EIF4G3: variants seen among roughly 807,000 people sequenced by gnomAD.
EIF4G3 encodes the protein eukaryotic translation initiation factor 4 gamma 3.
EIF4G3 carries 34 observed loss-of-function variants against 186.4 expected under a neutral mutation model. That is an observed-to-expected ratio of 0.18 (90% confidence interval 0.14 to 0.24). EIF4G3 has a LOEUF of 0.24. EIF4G3 is among the 10% of genes least tolerant of loss of function. The pLI is 1.00. For missense variants in EIF4G3, 1,536 were observed against 1,948.5 expected, an observed-to-expected ratio of 0.79 and a Z score of 3.99; for synonymous variants, 673 against 679.5, an observed-to-expected ratio of 0.99 and a Z score of 0.15.
intron 12 of EIF4G3, among the ~76,000 whole-genome samples, chr1:20,960,832 C>A (rs1275893669): frequency 1.3e-5 from 2 of 152,136 alleles, no homozygotes; most frequent in East Asian, 1.9e-4. Context: ...AAAACACAAT[C>A]ATCAAACAAG....
chr1:21,142,766 A>C (rs2102680391), intron 2 of EIF4G3, among the ~76,000 whole-genome samples: 1 of 152,310 alleles, frequency 6.6e-6, no homozygotes, highest in South Asian at 2.1e-4. Context: ...AAGTAAAAGA[A>C]GCTGTATAAA....
At chr1:21,018,746 A>C (rs1025891395) in intron 4 of EIF4G3, among the ~76,000 whole-genome samples, 1 of 152,012 alleles carries the variant, frequency 6.6e-6, no homozygotes, top group Non-Finnish European at 1.5e-5. Flanking sequence ...AGTTCCCTTA[A>C]GAACTGGTTA....
chr1:21,018,523 G>A (rs1312114459), intron 4 of EIF4G3, among the ~76,000 whole-genome samples: 3 of 151,422 alleles, frequency 2.0e-5, no homozygotes, highest in African/African-American at 7.3e-5. Flanking sequence ...TCACGCCACT[G>A]CACTCCAGCC....
intron 2 of EIF4G3, among the ~76,000 whole-genome samples, chr1:21,158,515 T>C (rs1461309323): frequency 3.3e-5 from 5 of 152,108 alleles, no homozygotes; most frequent in Non-Finnish European, 7.4e-5. Flanking sequence ...ATTTTTAAAG[T>C]GCTTATGAAC....
chr1:20,838,214 A>T (rs1571375760), intron 30 of EIF4G3, among the ~76,000 whole-genome samples: 1 of 152,222 alleles, frequency 6.6e-6, no homozygotes, highest in East Asian at 1.9e-4. Flanking sequence ...AGACTAAGCT[A>T]GTATCTCACA....
At chr1:20,834,321 C>T (rs758269647) in intron 30 of EIF4G3, among the ~76,000 whole-genome samples, 4 of 152,052 alleles carry the variant, frequency 2.6e-5, no homozygotes, top group African/African-American at 4.8e-5. Context: ...CATCATGATG[C>T]ATGGCTGTGG....
chr1:21,023,682 C>T lies in EIF4G3; in HGVS notation c.-66-20874G>A, dbSNP rs1306140185. On this transcript the variant is annotated intron_variant, in intron 4 of 36. Coordinates refer to ENST00000602326, the MANE Select transcript of EIF4G3 (RefSeq NM_001391906.1). ...TGCAGCCTCTGCCCAGCCGCCACCC[C>T]GTCTGGGAAGTGAGGAGTGTCTCTG... Among the ~76,000 whole-genome samples, 4 of 151,946 alleles carry T rather than the reference C, an allele frequency of 2.6e-5. No individual in the cohort carries two copies. In the South Asian group the frequency reaches 6.3e-4, roughly 24 times the overall value.
At chr1:20,858,766 G>A (rs1439819920) in intron 24 of EIF4G3, among the ~76,000 whole-genome samples, 3 of 152,152 alleles carry the variant, frequency 2.0e-5, no homozygotes, top group Admixed American at 6.5e-5. Context: ...GGAGGCCGAG[G>A]CAGGTGGATC....
chr1:21,017,995 G>C (rs1164975090), intron 4 of EIF4G3, among the ~76,000 whole-genome samples: 1 of 151,808 alleles, frequency 6.6e-6, no homozygotes, highest in Admixed American at 6.6e-5. Flanking sequence ...CTGGAGTGCA[G>C]TGGCATAACC....
Position 21,116,724 on chromosome 1 carries a change from A to G in EIF4G3, c.-271-27511T>C, listed in dbSNP as rs113460016. Among the ~76,000 whole-genome samples, 550 of 151,878 alleles carry G rather than the reference A, an allele frequency of 3.6e-3. 5 individuals carry two copies. The highest frequency in any genetic ancestry group is 0.013 in the African/African-American group (519 of 41,420). On this transcript the variant is annotated intron_variant, in intron 2 of 36. Coordinates refer to ENST00000602326, the MANE Select transcript of EIF4G3 (RefSeq NM_001391906.1). ...CGTGGTGGCGTGCACCTGTAATCCC[A>G]GCTACTCAGGAGGCTGAGGCAGGAG...
chr1:20,914,394 T>C (rs1216758328), intron 14 of EIF4G3, among the ~76,000 whole-genome samples: 1 of 151,808 alleles, frequency 6.6e-6, no homozygotes, highest in Non-Finnish European at 1.5e-5. Context: ...CACAGAGAGA[T>C]TTGAAGATGC....
Position 21,029,673 on chromosome 1 carries a change from T to C in EIF4G3, c.-67+21193A>G, listed in dbSNP as rs147192559. 4.8e-4 allele frequency among the ~76,000 whole-genome samples: 73 copies of C among 152,034 alleles called. 2 individuals carry two copies. The highest frequency in any genetic ancestry group is 1.6e-3 in the African/African-American group (67 of 41,444). ...TAGTGGTTTTATAAAAATAAAGTTA[T>C]AGTAGTTAGTGATAGGATCAAGGGT... On this transcript the variant is annotated intron_variant, in intron 4 of 36. Transcript: ENST00000602326.
At chr1:21,019,614 A>C (rs1442313327) in intron 4 of EIF4G3, among the ~76,000 whole-genome samples, 1 of 152,226 alleles carries the variant, frequency 6.6e-6, no homozygotes, top group African/African-American at 2.4e-5. Flanking sequence ...TCATAGAGCA[A>C]GAGAAGTTAT....
At chr1:21,106,615 G>T (rs2096623180) in intron 2 of EIF4G3, among the ~76,000 whole-genome samples, 1 of 152,002 alleles carries the variant, frequency 6.6e-6, no homozygotes, top group Non-Finnish European at 1.5e-5. Context: ...AAATCCAGGA[G>T]GAGATGTAAA....
intron 3 of EIF4G3, among the ~76,000 whole-genome samples, chr1:21,053,291 G>T (rs1442206847): frequency 1.3e-5 from 2 of 151,072 alleles, no homozygotes; most frequent in Non-Finnish European, 3.0e-5. Context: ...GAAGTGAGGA[G>T]CCCCTCCGCC....
At chr1:20,894,761 TTAG>T (rs565656293) in intron 17 of EIF4G3, among the ~76,000 whole-genome samples, 42 of 152,196 alleles carry the variant, frequency 2.8e-4, no homozygotes, top group Non-Finnish European at 5.4e-4. Flanking sequence ...TGAAATTACT[TTAG>T]TAGATCTGAC....
At chr1:21,166,838 G>A (rs1162194283) in intron 2 of EIF4G3, among the ~76,000 whole-genome samples, 1 of 152,068 alleles carries the variant, frequency 6.6e-6, no homozygotes, top group Non-Finnish European at 1.5e-5. Flanking sequence ...CTGGAGTGCA[G>A]CAGTGCAATC....
chr1:21,023,663 C>T (rs1345136425), intron 4 of EIF4G3, among the ~76,000 whole-genome samples: 1 of 152,024 alleles, frequency 6.6e-6, no homozygotes. Context: ...AGATTGCAGC[C>T]TCTGCCCAGC....
At chr1:20,819,610 C>T (rs1395726290) in intron 33 of EIF4G3, among the ~76,000 whole-genome samples, 1 of 152,114 alleles carries the variant, frequency 6.6e-6, no homozygotes, top group Non-Finnish European at 1.5e-5. Context: ...TGCGTGTTCT[C>T]ACTTATAGGT....
Sources: gnomAD v4.1 joint callset for allele counts (sites outside exome capture counted in the v4.1 genomes callset) on GRCh38, gnomAD v4.1.1 for gene constraint, MANE v1.5 for transcripts, NCBI Gene and HGNC (gene_info 2026-07-23, HGNC 2026-07-21) for gene names.